AGBL4: variants seen among roughly 807,000 people sequenced by gnomAD.
AGBL4 encodes the protein cytosolic carboxypeptidase 6.
AGBL4 carries 58 observed loss-of-function variants against 66.4 expected under a neutral mutation model. The observed-to-expected ratio is 0.87, with a 90% CI of 0.71 to 1.09. The LOEUF (loss-of-function observed/expected upper bound fraction) is 1.09, where lower values mean the gene tolerates loss of function less well. Among genes scored for constraint, AGBL4 ranks in the 50% least tolerant of loss-of-function variants. The pLI is 0.00. For synonymous variants in AGBL4, 234 were observed against 222.9 expected, an observed-to-expected ratio of 1.05 and a Z score of -0.44; for missense variants, 579 against 631.0, an observed-to-expected ratio of 0.92 and a Z score of 0.88.
At chr1:48,674,903 T>C (rs1439054252) in intron 6 of AGBL4, among the ~76,000 whole-genome samples, 3 of 152,178 alleles carry the variant, frequency 2.0e-5, no homozygotes, top group Non-Finnish European at 2.9e-5. Context: ...TCTGCTATTA[T>C]AGCAATTGCC....
intron 6 of AGBL4, among the ~76,000 whole-genome samples, chr1:48,681,650 G>T (rs1427257621): frequency 6.6e-6 from 1 of 152,186 alleles, no homozygotes; most frequent in Non-Finnish European, 1.5e-5. Context: ...TAATCTTCTA[G>T]GTTTCTTCTC....
At chr1:49,460,039 G>C (rs1646477216) in intron 3 of AGBL4, among the ~76,000 whole-genome samples, 1 of 151,566 alleles carries the variant, frequency 6.6e-6, no homozygotes, top group Non-Finnish European at 1.5e-5. Context: ...CTATCATATG[G>C]TCCATCTTGG....
chr1:48,788,094 A>C (rs992253198), intron 6 of AGBL4, among the ~76,000 whole-genome samples: 1 of 152,236 alleles, frequency 6.6e-6, no homozygotes, highest in Non-Finnish European at 1.5e-5. Context: ...GTACTGTGAA[A>C]CCTTAGGAAA....
At chr1:49,938,537 A>T (rs1164075722) in intron 1 of AGBL4, among the ~76,000 whole-genome samples, 2 of 152,208 alleles carry the variant, frequency 1.3e-5, no homozygotes, top group African/African-American at 4.8e-5. Flanking sequence ...GCAGAGACAC[A>T]ACCAAAAAAG....
intron 1 of AGBL4, among the ~76,000 whole-genome samples, chr1:50,021,584 T>C (rs1040022493): frequency 6.6e-6 from 1 of 152,154 alleles, no homozygotes; most frequent in Admixed American, 6.5e-5. Flanking sequence ...GATACTTCCT[T>C]CTCCATCATC....
At chr1:49,275,004 A>G (rs1327653898) in intron 3 of AGBL4, among the ~76,000 whole-genome samples, 1 of 152,208 alleles carries the variant, frequency 6.6e-6, no homozygotes, top group Admixed American at 6.5e-5. Context: ...TAATTTCTCC[A>G]GAATTTAAAA....
intron 3 of AGBL4, among the ~76,000 whole-genome samples, chr1:49,522,074 A>T (rs187286063): frequency 6.6e-6 from 1 of 152,264 alleles, no homozygotes; most frequent in Admixed American, 6.5e-5. Context: ...AAAAGTTGAA[A>T]TTATAAAAAC....
chr1:48,700,544 A>T (rs1244800067), intron 6 of AGBL4, among the ~76,000 whole-genome samples: 1 of 152,194 alleles, frequency 6.6e-6, no homozygotes, highest in Non-Finnish European at 1.5e-5. Context: ...TGAGAAAGGC[A>T]GTGTGTGGAC....
At chr1:49,062,603 A>G (rs1019394575) in intron 4 of AGBL4, among the ~76,000 whole-genome samples, 1 of 152,236 alleles carries the variant, frequency 6.6e-6, no homozygotes, top group African/African-American at 2.4e-5. Context: ...CATAGGATAC[A>G]GCATAACACG....
At chr1:49,506,543 C>T (rs1023936418) in intron 3 of AGBL4, among the ~76,000 whole-genome samples, 9 of 151,918 alleles carry the variant, frequency 5.9e-5, no homozygotes, top group Non-Finnish European at 1.3e-4. Context: ...CCTGAATATG[C>T]TCTTTTTGCC....
intron 6 of AGBL4, among the ~76,000 whole-genome samples, chr1:48,822,021 A>G (rs1231812270): frequency 6.6e-6 from 1 of 152,200 alleles, no homozygotes; most frequent in Non-Finnish European, 1.5e-5. Flanking sequence ...AAATACTACT[A>G]AACACTCACT....
At chr1:49,636,474 C>T (rs750319995) in intron 3 of AGBL4, among the ~76,000 whole-genome samples, 4 of 152,164 alleles carry the variant, frequency 2.6e-5, no homozygotes, top group East Asian at 1.9e-4. Flanking sequence ...CTTCAACATA[C>T]GAACTTTGGA....
chr1:49,676,740 T>C (rs752338047), intron 3 of AGBL4, among the ~76,000 whole-genome samples: 1 of 152,112 alleles, frequency 6.6e-6, no homozygotes, highest in Non-Finnish European at 1.5e-5. Context: ...TTATGACATG[T>C]TCACATCAAT....
intron 2 of AGBL4, among the ~76,000 whole-genome samples, chr1:49,741,591 C>T (rs1316489926): frequency 6.6e-6 from 1 of 151,948 alleles, no homozygotes; most frequent in African/African-American, 2.4e-5. Flanking sequence ...GGCTGAGACA[C>T]AACAAAAAAA....
chr1:49,516,060 GACTGCCCCCCCCCACAAA>G (rs1372475128), intron 3 of AGBL4, among the ~76,000 whole-genome samples: 3 of 149,472 alleles, frequency 2.0e-5, no homozygotes, highest in African/African-American at 7.3e-5. Flanking sequence ...AAAGAATCAA[GACTGCCCCCCCCCACAAA>G]AAAAAATGAC....
intron 3 of AGBL4, among the ~76,000 whole-genome samples, chr1:49,486,553 C>T (rs1647070786): frequency 6.6e-6 from 1 of 151,918 alleles, no homozygotes; most frequent in Non-Finnish European, 1.5e-5. Flanking sequence ...TTCAATGTTT[C>T]CTGCCCATCC....
chr1:49,336,952 A>G (rs1157715036), intron 3 of AGBL4, among the ~76,000 whole-genome samples: 1 of 152,184 alleles, frequency 6.6e-6, no homozygotes, highest in Non-Finnish European at 1.5e-5. Context: ...ATTTACAATT[A>G]AGTAGGTGCT....
At position 48,814,470 on chromosome 1, in the gene AGBL4, C is replaced by T. The variant is rs190155728; in HGVS notation, c.634+52721G>A. Among the ~76,000 whole-genome samples, 70 of 152,230 alleles carry T rather than the reference C, an allele frequency of 4.6e-4. No individual in the cohort carries two copies. The East Asian group carries it at 0.013, about 28-fold the overall frequency. On this transcript the variant is annotated intron_variant, in intron 6 of 13. Coordinates refer to ENST00000371839, the MANE Select transcript of AGBL4 (RefSeq NM_032785.4). The stretch of plus-strand genomic sequence containing the variant: ...TCTTTGTGCTGGAAACATTCAATAT[C>T]ATTGTTCTAGCTGAAATTATATAAC...
intron 3 of AGBL4, among the ~76,000 whole-genome samples, chr1:49,446,120 G>A (rs903171358): frequency 5.3e-5 from 8 of 152,072 alleles, no homozygotes; most frequent in African/African-American, 1.9e-4. Flanking sequence ...CTAAGTGCTG[G>A]GATTACAGGT....
Sources: allele counts gnomAD v4.1 joint callset (sites outside exome capture counted in the v4.1 genomes callset), GRCh38; gene constraint gnomAD v4.1.1; transcripts MANE v1.5; gene names NCBI Gene and HGNC (gene_info 2026-07-23, HGNC 2026-07-21).